Variants in RBFOX1 observed in about 807,000 individuals in gnomAD.
RBFOX1 encodes the protein RNA binding protein fox-1 homolog 1.
A neutral mutation model predicts 57.7 loss-of-function variants in RBFOX1; 8 were observed. The observed-to-expected ratio is 0.14, with a 90% CI of 0.08 to 0.25. RBFOX1 has a LOEUF of 0.25. RBFOX1 is among the 10% of genes least tolerant of loss of function. The pLI is 1.00. For synonymous variants in RBFOX1, 326 were observed against 222.4 expected, an observed-to-expected ratio of 1.47 and a Z score of -4.15; for missense variants, 611 against 548.5, an observed-to-expected ratio of 1.11 and a Z score of -1.14.
intron 2 of RBFOX1, among the ~76,000 whole-genome samples, chr16:6,609,915 C>T (rs919017748): frequency 7.2e-5 from 11 of 151,958 alleles, no homozygotes; most frequent in East Asian, 1.9e-4. Flanking sequence ...GGCTGAGGCA[C>T]GAGACTTGCT....
chr16:7,574,896 G>C (rs2093174947), intron 5 of RBFOX1, among the ~76,000 whole-genome samples: 1 of 152,154 alleles, frequency 6.6e-6, no homozygotes, highest in Non-Finnish European at 1.5e-5. Flanking sequence ...ACTTCGTGCT[G>C]CCTGAAGTGG....
At position 7,228,227 on chromosome 16, in the gene RBFOX1, T is replaced by TTGAATGAA. The variant is rs58948380; in HGVS notation, c.27+176146_27+176153dup. Among the ~76,000 whole-genome samples, 344 of 152,104 alleles carry TTGAATGAA rather than the reference T, an allele frequency of 2.3e-3. 4 individuals carry two copies. Among genetic ancestry groups the TTGAATGAA allele is most frequent in the African/African-American group, 7.4e-3 (308 of 41,388 alleles). ...ATAGTAGATTTTCAATACATATTTG[T>TTGAATGAA]TGAATGAATGAATGAATGAATGAAC... On this transcript the variant is annotated intron_variant, in intron 4 of 15. Transcript: ENST00000550418.
At chr16:5,834,780 A>AGATG (rs1275154810) in intron 3 of RBFOX1, among the ~76,000 whole-genome samples, 2 of 22,826 alleles carry the variant, frequency 8.8e-5, no homozygotes, top group African/African-American at 3.1e-4. Flanking sequence ...CACAGATGAT[A>AGATG]GATAGATAGA....
At chr16:5,858,764 G>A (rs1032128755) in intron 3 of RBFOX1, among the ~76,000 whole-genome samples, 2 of 152,228 alleles carry the variant, frequency 1.3e-5, no homozygotes, top group African/African-American at 2.4e-5. Flanking sequence ...GGGAAGGGAG[G>A]TAGGGAGATG....
In RBFOX1 at chr16:5,259,677, T is replaced by G. The variant is rs145228277; in HGVS notation, c.219+19572T>G. On this transcript the variant is annotated intron_variant, in intron 1 of 2. Transcript: ENST00000585867. ...GAATCTTTTTGCCCTTCAGTTGTGT[T>G]TGTCATGAGTTAATGTGATTTATTC... Among the ~76,000 whole-genome samples the G allele has an allele frequency of 5.3e-5, 8 of 152,304 alleles. No individual in the cohort carries two copies. In the East Asian group the frequency reaches 1.5e-3, roughly 29 times the overall value.
chr16:6,831,097 A>T (rs191149778), intron 3 of RBFOX1, among the ~76,000 whole-genome samples: 1 of 152,350 alleles, frequency 6.6e-6, no homozygotes, highest in Admixed American at 6.5e-5. Context: ...AGCTGGATAG[A>T]TTCATACTAC....
chr16:5,932,138 A>G (rs2059073427), intron 4 of RBFOX1, among the ~76,000 whole-genome samples: 1 of 152,198 alleles, frequency 6.6e-6, no homozygotes, highest in Middle Eastern at 3.2e-3. Context: ...GAGAGGAAGA[A>G]TGATTTGGCT....
intron 4 of RBFOX1, among the ~76,000 whole-genome samples, chr16:7,093,220 C>T (rs763365330): frequency 6.6e-6 from 1 of 152,134 alleles, no homozygotes; most frequent in Non-Finnish European, 1.5e-5. Context: ...AGTTAGGGGG[C>T]TGAGAAAATG....
intron 3 of RBFOX1, among the ~76,000 whole-genome samples, chr16:6,815,158 T>C (rs986812154): frequency 2.0e-5 from 3 of 152,170 alleles, no homozygotes; most frequent in African/African-American, 4.8e-5. Context: ...TAAACTGTCA[T>C]GGCGCTGGTG....
chr16:5,850,963 G>A (rs1013460671), intron 3 of RBFOX1, among the ~76,000 whole-genome samples: 8 of 152,314 alleles, frequency 5.3e-5, no homozygotes, highest in Non-Finnish European at 7.3e-5. Flanking sequence ...CTGCGTTCCC[G>A]GAGGCTCATG....
intron 3 of RBFOX1, among the ~76,000 whole-genome samples, chr16:6,662,883 A>T (rs1391302177): frequency 6.6e-6 from 1 of 152,240 alleles, no homozygotes; most frequent in Non-Finnish European, 1.5e-5. Context: ...AAATACTCCC[A>T]TAGACTCGTA....
chr16:7,599,707 A>C (rs1416964280), intron 9 of RBFOX1, among the ~76,000 whole-genome samples: 3 of 138,616 alleles, frequency 2.2e-5, no homozygotes, highest in African/African-American at 9.0e-5. Context: ...GGGCAGTGGC[A>C]TGCTATTGGC....
intron 4 of RBFOX1, among the ~76,000 whole-genome samples, chr16:7,330,508 G>GTA (rs1181090168): frequency 2.5e-5 from 2 of 79,354 alleles, no homozygotes; most frequent in African/African-American, 6.2e-5. Context: ...GTGTGTGTGT[G>GTA]TTTGTGTGTG....
chr16:7,145,324 C>G (rs1600894152), intron 4 of RBFOX1, among the ~76,000 whole-genome samples: 1 of 152,294 alleles, frequency 6.6e-6, no homozygotes, highest in East Asian at 1.9e-4. Context: ...CCTGCCTTAG[C>G]CTCCCGATTA....
rs1161580811 is a variant in RBFOX1, at chr16:5,947,073, C to T, written c.351+79738C>T. ...CAAAATAAAGTGAAAATAAAATCATCCCATGTGGTTGTGCATACTGTAGTC... is the reference window on the plus strand; with the variant it reads ...CAAAATAAAGTGAAAATAAAATCATTCCATGTGGTTGTGCATACTGTAGTC... On this transcript the variant is annotated intron_variant, in intron 4 of 19. Transcript: ENST00000641259. This position sits in a 1 kb window ranked among gnomAD's most constrained non-coding sequence, Gnocchi z 7.2. 6.6e-6 allele frequency among the ~76,000 whole-genome samples: 1 copy of T among 152,058 alleles called. No homozygotes were observed. The highest frequency in any genetic ancestry group is 1.5e-5 in the Non-Finnish European group (1 of 68,020).
chr16:6,945,332 G>T (rs1404311572), intron 3 of RBFOX1, among the ~76,000 whole-genome samples: 4 of 152,084 alleles, frequency 2.6e-5, no homozygotes, highest in Non-Finnish European at 5.9e-5. Context: ...GCTTACCTAG[G>T]GCCAGACAGT....
chr16:7,381,803 G>A (rs927942586), intron 4 of RBFOX1, among the ~76,000 whole-genome samples: 43 of 152,274 alleles, frequency 2.8e-4, no homozygotes, highest in African/African-American at 9.6e-4. Context: ...CCTTGGCAGT[G>A]TGGACGCTGG....
At chr16:7,141,269 G>A (rs562849660) in intron 4 of RBFOX1, among the ~76,000 whole-genome samples, 56 of 152,244 alleles carry the variant, frequency 3.7e-4, no homozygotes, top group Middle Eastern at 3.4e-3. Context: ...TAAGTTCAGG[G>A]CATCTATTCA....
At chr16:5,576,817 G>A (rs562371326) in intron 2 of RBFOX1, among the ~76,000 whole-genome samples, 2 of 152,368 alleles carry the variant, frequency 1.3e-5, no homozygotes, top group East Asian at 1.9e-4. Flanking sequence ...ATAAGAAGCT[G>A]AAGGGTCTGA....
Sources: allele counts gnomAD v4.1 joint callset (sites outside exome capture counted in the v4.1 genomes callset), GRCh38; gene constraint gnomAD v4.1.1; non-coding constraint Gnocchi (gnomAD v3.1); transcripts MANE v1.5; gene names NCBI Gene and HGNC (gene_info 2026-07-23, HGNC 2026-07-21).